COL23A1: variants seen among roughly 807,000 people sequenced by gnomAD.
COL23A1 encodes collagen type XXIII alpha 1 chain.
COL23A1 carries 97 observed loss-of-function variants against 99.3 expected under a neutral mutation model. That is an observed-to-expected ratio of 0.98 (90% CI 0.83 to 1.16). COL23A1 has a LOEUF of 1.16. COL23A1 is among the 50% of genes most tolerant of loss of function. The probability of loss-of-function intolerance (pLI) is 0.00; values close to 1 mark genes in which losing one functional copy is unlikely to be tolerated. For missense variants in COL23A1, 762 were observed against 757.4 expected, an observed-to-expected ratio of 1.01 and a Z score of -0.07; for synonymous variants, 320 against 308.2, an observed-to-expected ratio of 1.04 and a Z score of -0.40.
chr5:178,325,789 A>G (rs1759615832), intron 2 of COL23A1, among the ~76,000 whole-genome samples: 2 of 152,244 alleles, frequency 1.3e-5, no homozygotes, highest in Non-Finnish European at 2.9e-5. Flanking sequence ...GAGGCTCCCA[A>G]TTCCAGGGTG....
At chr5:178,580,740 C>T (rs262047) in intron 1 of COL23A1, among the ~76,000 whole-genome samples, 42,548 of 152,140 alleles carry the variant, frequency 0.28, 10,457 homozygotes, top group African/African-American at 0.63. Context: ...GGTTTCTGGC[C>T]GGGTGTGGTT....
intron 2 of COL23A1, among the ~76,000 whole-genome samples, chr5:178,555,564 T>G (rs1021502174): frequency 1.3e-5 from 2 of 152,136 alleles, no homozygotes; most frequent in Non-Finnish European, 2.9e-5. Context: ...CATTTCTAGT[T>G]GTCTGCACTA....
chr5:178,269,420 C>T (rs1360144706), intron 6 of COL23A1, among the ~76,000 whole-genome samples: 2 of 104,668 alleles, frequency 1.9e-5, no homozygotes, highest in African/African-American at 3.5e-5. Flanking sequence ...TCCATCCACC[C>T]GTCCATCCAC....
chr5:178,375,923 T>C (rs1388003978), intron 2 of COL23A1, among the ~76,000 whole-genome samples: 2 of 152,192 alleles, frequency 1.3e-5, no homozygotes, highest in Admixed American at 1.3e-4. Context: ...GGCCAGCTGG[T>C]CTCGAACTAC....
intron 2 of COL23A1, among the ~76,000 whole-genome samples, chr5:178,420,812 G>C (rs17081203): frequency 0.049 from 7,378 of 150,468 alleles, 433 homozygotes; most frequent in East Asian, 0.19. Flanking sequence ...CTCCACTTTG[G>C]GGTGGTCTTC....
intron 28 of COL23A1, 114 bp from the exon 29 acceptor site, chr5:178,238,814 C>G: frequency 7.1e-7 from 1 of 1,406,138 alleles, no homozygotes; most frequent in South Asian, 1.1e-5. Flanking sequence ...TCTTCCCTCC[C>G]CCCACTCCCT....
In COL23A1 at chr5:178,345,261, T is replaced by C. The variant is rs1001334338; in HGVS notation, c.362-38342A>G. The C allele has an allele frequency of 4.1e-6, 3 of 727,100 alleles. No homozygotes were observed. The Admixed American group carries it at 6.0e-5, about 15-fold the overall frequency. The allele number at this position is 727,100 out of a possible 1,614,324, so 45.0% of individuals were successfully genotyped here. On this transcript the variant is annotated intron_variant, in intron 2 of 28. Coordinates refer to ENST00000390654, the MANE Select transcript of COL23A1 (RefSeq NM_173465.4). Reference sequence around the variant, plus strand: ...GTCCCTATTCAAGACAGACCTAAATTTGATGAACTCGGTGCCAGTAATCTG... The same window carrying C: ...GTCCCTATTCAAGACAGACCTAAATCTGATGAACTCGGTGCCAGTAATCTG...
rs1451351207 is a variant in COL23A1 at position 178,255,914 on chromosome 5, G to A, written c.882+439C>T. 4 of 300,828 alleles carry A rather than the reference G, an allele frequency of 1.3e-5. No homozygotes were observed. The highest frequency in any genetic ancestry group is 2.8e-5 in the Non-Finnish European group (4 of 141,832). 18.6% of individuals were successfully genotyped at this position (300,828 alleles called of 1,614,324 possible). A position where few individuals can be genotyped will look rare whatever the true frequency, so the allele number is the denominator to read the frequency against. Reference sequence around the variant, plus strand: ...CCTAAAGGTAAGGTATGTTGATAGGGGCTGGTCACAAAAGATCTGGGGCAG... The same window carrying A: ...CCTAAAGGTAAGGTATGTTGATAGGAGCTGGTCACAAAAGATCTGGGGCAG... On this transcript the variant is annotated intron_variant, in intron 15 of 28. Transcript: ENST00000390654. This position sits in a 1 kb window ranked among gnomAD's most constrained non-coding sequence, Gnocchi z 4.2.
At chr5:178,252,913 C>A (rs1765111205) in intron 16 of COL23A1, among the ~76,000 whole-genome samples, 1 of 152,180 alleles carries the variant, frequency 6.6e-6, no homozygotes, top group Non-Finnish European at 1.5e-5. Flanking sequence ...CTTTGGCTCC[C>A]TATTGCCTCT....
At position 178,366,749 on chromosome 5, in the gene COL23A1, T is replaced by C. The variant is rs983366900; in HGVS notation, c.362-59830A>G. 6.6e-6 allele frequency among the ~76,000 whole-genome samples: 1 copy of C among 152,198 alleles called. No individual in the cohort carries two copies. The highest frequency in any genetic ancestry group is 2.4e-5 in the African/African-American group (1 of 41,448). ...CGGAAGCACGTTCCTCCTCCGTGCC[T>C]GTGCTTCTGCTGGTCTAAATCATTA... On this transcript the variant is annotated intron_variant, in intron 2 of 28. Coordinates refer to ENST00000390654, the MANE Select transcript of COL23A1 (RefSeq NM_173465.4). This position sits in a 1 kb window ranked among gnomAD's most constrained non-coding sequence, Gnocchi z 4.4.
intron 2 of COL23A1, among the ~76,000 whole-genome samples, chr5:178,536,218 G>A (rs1200475657): frequency 1.3e-5 from 2 of 152,244 alleles, no homozygotes; most frequent in Non-Finnish European, 2.9e-5. Context: ...TCATGCCGCA[G>A]GGGTGCTCGG....
In COL23A1 at chr5:178,308,957, A is replaced by C. The variant is rs201008344; in HGVS notation, c.362-2038T>G. On this transcript the variant is annotated intron_variant, in intron 2 of 28. Transcript: ENST00000390654. The surrounding 1 kb of genome is among the most constrained non-coding windows in gnomAD (Gnocchi z 5.1). ...AAGAAGGCCCAGTGGCCACCCACAA[A>C]GCTTCGGGGCTCTTGCCAGGCCTCA... Among the ~76,000 whole-genome samples the C allele has an allele frequency of 1.5e-4, 23 of 152,200 alleles. No homozygotes were observed. In the East Asian group the frequency reaches 4.5e-3, roughly 30 times the overall value.
At chr5:178,432,215 C>A (rs1228698068) in intron 2 of COL23A1, among the ~76,000 whole-genome samples, 1 of 152,182 alleles carries the variant, frequency 6.6e-6, no homozygotes, top group Non-Finnish European at 1.5e-5. Context: ...AAAAAGTCCT[C>A]ACATTTATTC....
intron 2 of COL23A1, among the ~76,000 whole-genome samples, chr5:178,501,804 G>T (rs1193440889): frequency 6.6e-6 from 1 of 152,168 alleles, no homozygotes; most frequent in Non-Finnish European, 1.5e-5. Context: ...GGCACCACTG[G>T]AGACCAGGAA....
Position 178,307,190 on chromosome 5 carries a change from C to G in COL23A1, c.362-271G>C, listed in dbSNP as rs573431971. Among the ~76,000 whole-genome samples the G allele has an allele frequency of 7.9e-4, 120 of 152,332 alleles. 1 individual carries two copies. Among genetic ancestry groups the G allele is most frequent in the Middle Eastern group, 3.4e-3 (1 of 294 alleles). ...TCTGTCATTCAATCATCGGCTCACTCAGTCATTCCTAAGCCCTCCCCTAAT... is the reference window on the plus strand; with the variant it reads ...TCTGTCATTCAATCATCGGCTCACTGAGTCATTCCTAAGCCCTCCCCTAAT... On this transcript the variant is annotated intron_variant, in intron 2 of 28. Coordinates refer to ENST00000390654, the MANE Select transcript of COL23A1 (RefSeq NM_173465.4). The surrounding 1 kb of genome is among the most constrained non-coding windows in gnomAD (Gnocchi z 4.2).
intron 2 of COL23A1, among the ~76,000 whole-genome samples, chr5:178,471,031 T>C (rs1490861232): frequency 6.6e-6 from 1 of 152,198 alleles, no homozygotes; most frequent in Non-Finnish European, 1.5e-5. Context: ...TGAAAAAGCA[T>C]CTGCTCCAGT....
At chr5:178,361,975 G>A (rs1033552958) in intron 2 of COL23A1, among the ~76,000 whole-genome samples, 1 of 152,172 alleles carries the variant, frequency 6.6e-6, no homozygotes, top group Admixed American at 6.5e-5. Flanking sequence ...GTCACTGGAC[G>A]CCCCCTAGGA....
At chr5:178,246,482 G>C in intron 22 of COL23A1, 29 bp from the exon 23 acceptor site, 1 of 1,552,968 alleles carries the variant, frequency 6.4e-7, no homozygotes, top group Non-Finnish European at 8.7e-7. Context: ...AATCAGTCAA[G>C]GGGAAGGGGT....
intron 2 of COL23A1, among the ~76,000 whole-genome samples, chr5:178,433,177 T>G (rs531390264): frequency 1.3e-5 from 2 of 151,604 alleles, no homozygotes; most frequent in Non-Finnish European, 2.9e-5. Context: ...CCAAGACTGC[T>G]CCCACCGCAG....
Sources: gnomAD v4.1 joint callset for allele counts (sites outside exome capture counted in the v4.1 genomes callset) on GRCh38, gnomAD v4.1.1 for gene constraint, Gnocchi (gnomAD v3.1) non-coding constraint, MANE v1.5 for transcripts, NCBI Gene and HGNC (gene_info 2026-07-23, HGNC 2026-07-21) for gene names.